Variants in SLCO1B3 observed in about 807,000 individuals in gnomAD.
SLCO1B3 encodes liver-specific organic anion transporter 2.
Under a neutral mutation model 71.8 loss-of-function variants are expected in SLCO1B3, and 72 were observed. The ratio of observed to expected loss-of-function variants is 1.00; its 90% CI spans 0.83 to 1.22. The LOEUF is 1.22. Ranked by LOEUF, SLCO1B3 falls within the 50% of genes most tolerant of loss-of-function variation. The pLI is 0.00. For missense variants in SLCO1B3, 911 were observed against 819.7 expected, an observed-to-expected ratio of 1.11 and a Z score of -1.36; for synonymous variants, 298 against 278.4, an observed-to-expected ratio of 1.07 and a Z score of -0.70.
chr12:20,845,308 A>AACCTTTTGTTTGAT lies in SLCO1B3; in HGVS notation c.85-9720_85-9719insACCTTTTGTTTGAT. On this transcript the variant is annotated intron_variant, in intron 3 of 15. Coordinates refer to ENST00000381545, the MANE Select transcript of SLCO1B3 (RefSeq NM_019844.4). ...TAGTGAAAAGGTTTGACCCTGATCA[A>AACCTTTTGTTTGAT]CAATGAGTAGAAACATCATCAGTCC... is the stretch of plus-strand genomic sequence containing the variant. The AACCTTTTGTTTGAT allele has an allele frequency of 1.2e-3, 24 of 20,672 alleles. 1 individual carries two copies. The highest frequency in any genetic ancestry group is 4.2e-3 in the East Asian group (3 of 718). 1.3% of individuals were successfully genotyped at this position (20,672 alleles called of 1,614,324 possible).
intron 13 of SLCO1B3, among the ~76,000 whole-genome samples, chr12:20,888,535 T>C (rs565658151): frequency 6.6e-6 from 1 of 152,190 alleles, no homozygotes; most frequent in East Asian, 1.9e-4. Context: ...TGTACATTGG[T>C]TTTGTATCCT....
Position 20,839,189 on chromosome 12 carries a change from G to A in SLCO1B3, c.85-15839G>A, listed in dbSNP as rs183229471. ...ATAGATATTATTATTTTGAATAACTGTTATTTCTTAGATCAATTAAGAATT... is the reference window on the plus strand; with the variant it reads ...ATAGATATTATTATTTTGAATAACTATTATTTCTTAGATCAATTAAGAATT... On this transcript the variant is annotated intron_variant, in intron 3 of 15. Transcript: ENST00000381545. 4.6e-3 allele frequency among the ~76,000 whole-genome samples: 699 copies of A among 151,638 alleles called. 4 individuals are homozygous for A. The highest frequency in any genetic ancestry group is 0.015 in the African/African-American group (628 of 41,384).
intron 13 of SLCO1B3, among the ~76,000 whole-genome samples, chr12:20,890,484 G>C (rs1865882412): frequency 6.6e-6 from 1 of 152,168 alleles, no homozygotes; most frequent in Non-Finnish European, 1.5e-5. Flanking sequence ...TATATTCTGA[G>C]GTTGTAGGGT....
intron 3 of SLCO1B3, among the ~76,000 whole-genome samples, chr12:20,820,967 G>A (rs961229536): frequency 6.6e-6 from 1 of 152,170 alleles, no homozygotes; most frequent in African/African-American, 2.4e-5. Flanking sequence ...GCCGGATCAG[G>A]TGTGAGGAGG....
chr12:20,843,568 C>G (rs1159873598), intron 3 of SLCO1B3, among the ~76,000 whole-genome samples: 1 of 151,982 alleles, frequency 6.6e-6, no homozygotes, highest in Non-Finnish European at 1.5e-5. Flanking sequence ...ATCACAAGAT[C>G]AGGAGATTGA....
intron 1 of SLCO1B3, among the ~76,000 whole-genome samples, chr12:20,812,202 C>T (rs947765073): frequency 6.6e-6 from 1 of 152,082 alleles, no homozygotes; most frequent in African/African-American, 2.4e-5. Flanking sequence ...TCACTGCTCC[C>T]GGCCTACTTG....
intron 3 of SLCO1B3, among the ~76,000 whole-genome samples, chr12:20,839,459 T>A (rs1307462568): frequency 6.6e-6 from 1 of 152,134 alleles, no homozygotes; most frequent in Non-Finnish European, 1.5e-5. Context: ...CTATCAATGC[T>A]TTACATATTT....
chr12:20,892,632 C>A (rs958053433), intron 13 of SLCO1B3, among the ~76,000 whole-genome samples: 2 of 152,084 alleles, frequency 1.3e-5, no homozygotes, highest in Admixed American at 6.6e-5. Flanking sequence ...GAATATTGAA[C>A]TTTTTTCTGC....
At chr12:20,902,639 A>G (rs1056516269) in intron 15 of SLCO1B3, among the ~76,000 whole-genome samples, 1 of 152,212 alleles carries the variant, frequency 6.6e-6, no homozygotes, top group Admixed American at 6.5e-5. Flanking sequence ...ACAAGAACAG[A>G]TAATAAAATA....
chr12:20,846,843 G>A (rs551913924), intron 3 of SLCO1B3, among the ~76,000 whole-genome samples: 11 of 151,682 alleles, frequency 7.3e-5, no homozygotes, highest in South Asian at 6.3e-4. Flanking sequence ...AAATTTTACC[G>A]TATTACACTA....
intron 13 of SLCO1B3, among the ~76,000 whole-genome samples, chr12:20,887,066 A>C (rs529317663): frequency 6.6e-6 from 1 of 152,166 alleles, no homozygotes; most frequent in African/African-American, 2.4e-5. Flanking sequence ...TTAATTGCTC[A>C]CTAGTATTCC....
chr12:20,880,406 T>C (rs145298324), intron 11 of SLCO1B3, among the ~76,000 whole-genome samples: 1 of 151,196 alleles, frequency 6.6e-6, no homozygotes, highest in African/African-American at 2.4e-5. Context: ...TTAACTAACA[T>C]GCATAGATTC....
chr12:20,901,601 A>G (rs575556853), intron 15 of SLCO1B3, 134 bp downstream of exon 15: 30 of 547,276 alleles, frequency 5.5e-5, no homozygotes, highest in South Asian at 3.3e-4. Context: ...TGTATTCACT[A>G]TTGTATCAAG....
chr12:20,900,007 G>T (rs1484731645), intron 14 of SLCO1B3, among the ~76,000 whole-genome samples: 1 of 152,074 alleles, frequency 6.6e-6, no homozygotes, highest in Non-Finnish European at 1.5e-5. Context: ...TAGAAAATAG[G>T]TTATCAGAAG....
At chr12:20,835,947 A>C (rs975548585) in intron 3 of SLCO1B3, among the ~76,000 whole-genome samples, 2 of 152,216 alleles carry the variant, frequency 1.3e-5, no homozygotes, top group African/African-American at 4.8e-5. Flanking sequence ...TTTATAAAGA[A>C]AAAGAAGTTT....
At chr12:20,909,772 A>G (rs1387801615) in intron 15 of SLCO1B3, among the ~76,000 whole-genome samples, 1 of 151,994 alleles carries the variant, frequency 6.6e-6, no homozygotes, top group Non-Finnish European at 1.5e-5. Context: ...GTGCAGTGGC[A>G]CCTTCTTAGC....
rs147588074 is a variant in SLCO1B3 at position 20,895,724 on chromosome 12, C to G, written c.1683-2712C>G. Among the ~76,000 whole-genome samples the G allele has an allele frequency of 3.1e-3, 477 of 152,224 alleles. 6 individuals carry two copies. Among genetic ancestry groups the G allele is most frequent in the African/African-American group, 0.011 (458 of 41,548 alleles). On this transcript the variant is annotated intron_variant, in intron 13 of 15. Coordinates refer to ENST00000381545, the MANE Select transcript of SLCO1B3 (RefSeq NM_019844.4). ...TTCTGGGATCTGGAGGATGGTGACC[C>G]TCTTCTCACAGCCCCACTAGGCAGT...
intron 8 of SLCO1B3, among the ~76,000 whole-genome samples, chr12:20,869,620 A>G (rs987747435): frequency 2.0e-5 from 3 of 152,182 alleles, no homozygotes; most frequent in African/African-American, 7.2e-5. Flanking sequence ...TTCACTTAGC[A>G]CAATGTTGGC....
At position 20,881,969 on chromosome 12, in the gene SLCO1B3, G is replaced by A. The variant is rs147986315; in HGVS notation, c.1497+949G>A. Among the ~76,000 whole-genome samples the A allele has an allele frequency of 3.0e-3, 460 of 152,246 alleles. 1 individual carries two copies. Among genetic ancestry groups the A allele is most frequent in the Non-Finnish European group, 4.7e-3 (320 of 68,014 alleles). On this transcript the variant is annotated intron_variant, in intron 12 of 15. Coordinates refer to ENST00000381545, the MANE Select transcript of SLCO1B3 (RefSeq NM_019844.4). The stretch of plus-strand genomic sequence containing the variant: ...GGCATGGAGAAATTTGAAGAATAAA[G>A]CCTCCTAGTTTCCTTGAAGATAGGC...
Sources: gnomAD v4.1 joint callset for allele counts (sites outside exome capture counted in the v4.1 genomes callset) on GRCh38, gnomAD v4.1.1 for gene constraint, MANE v1.5 for transcripts, NCBI Gene and HGNC (gene_info 2026-07-23, HGNC 2026-07-21) for gene names.